C1S: variants seen among roughly 807,000 people sequenced by gnomAD.
C1S encodes complement C1s subcomponent.
Under a neutral mutation model 54.0 loss-of-function variants are expected in C1S, and 31 were observed. That is an observed-to-expected ratio of 0.57 (90% confidence interval 0.43 to 0.78). The LOEUF is 0.78. C1S is among the 30% of genes least tolerant of loss of function. C1S has a pLI of 0.00. For synonymous variants in C1S, 292 were observed against 303.6 expected (o/e 0.96, Z 0.40); for missense variants, 727 against 851.8 (o/e 0.85, Z 1.82).
rs192087179 is a variant in C1S at position 7,062,649 on chromosome 12, G to A, written c.180G>A (p.Glu60=). ...IHLYFTHLDI[E]LSENCAYDSV... Reference sequence around the variant, plus strand: ...TCTACTTCACCCATCTGGACATTGAGCTGTCAGAGAACTGTGCGTATGACT... The same window carrying A: ...TCTACTTCACCCATCTGGACATTGAACTGTCAGAGAACTGTGCGTATGACT... Residue 60 remains glutamate, a synonymous_variant, in exon 3 of 12, where the codon GAG becomes GAA. Coordinates refer to ENST00000360817, the MANE Select transcript of C1S (RefSeq NM_001734.5). The A allele has an allele frequency of 1.2e-6, 2 of 1,614,130 alleles. No individual in the cohort carries two copies. The highest frequency in any genetic ancestry group is 3.3e-5 in the Admixed American group (2 of 60,024).
chr12:7,065,510 C>A lies in C1S; in HGVS notation c.717+211C>A, dbSNP rs1026206156. 1.7e-4 allele frequency: 110 copies of A among 648,274 alleles called. No homozygotes were observed. In the African/African-American group the frequency reaches 1.9e-3, roughly 11 times the overall value. 40.2% of individuals were successfully genotyped at this position (648,274 alleles called of 1,614,324 possible). On this transcript the variant is annotated intron_variant, in intron 6 of 11. Coordinates refer to ENST00000360817, the MANE Select transcript of C1S (RefSeq NM_001734.5). The stretch of plus-strand genomic sequence containing the variant: ...AGCTGGGCCCACAGACGTGTGTCAT[C>A]AAACCCAGCTAATATTTTTATTGTT...
chr12:7,066,817 A>G (rs1555162332), intron 8 of C1S, 184 bp downstream of exon 8: 1 of 706,458 alleles, frequency 1.4e-6, no homozygotes, highest in African/African-American at 1.8e-5. Context: ...CCAGCTTGGC[A>G]TTCTCTCTGC....
Position 7,060,808 on chromosome 12 carries a change from AG to A in C1S, c.-140del. 1 of 152,540 alleles carries A rather than the reference AG, an allele frequency of 6.6e-6. No homozygotes were observed. Among genetic ancestry groups the A allele is most frequent in the Non-Finnish European group, 1.5e-5 (1 of 68,202 alleles). 9.4% of individuals were successfully genotyped at this position (152,540 alleles called of 1,614,324 possible). A position where few individuals can be genotyped will look rare whatever the true frequency, so the allele number is the denominator to read the frequency against. ...CTGTGCTGCTGTCCCTGGGGGCCAG[AG>A]GGGTTGCCCAGCATGCCCACTGGCA... On this transcript the variant is annotated 5_prime_UTR_variant, in exon 1 of 12. The change abolishes the stop of an existing upstream ORF in the 5' untranslated region. Coordinates refer to ENST00000360817, the MANE Select transcript of C1S (RefSeq NM_001734.5).
intron 5 of C1S, among the ~76,000 whole-genome samples, chr12:7,064,724 A>G (rs782678985): frequency 6.6e-6 from 1 of 152,218 alleles, no homozygotes; most frequent in Admixed American, 6.5e-5. Context: ...AGAGTCCATT[A>G]TATCACTCTG....
intron 8 of C1S, 30 bp downstream of exon 8, chr12:7,066,663 C>A (rs1555162309): frequency 7.7e-7 from 1 of 1,303,912 alleles, no homozygotes; most frequent in Non-Finnish European, 1.1e-6. Context: ...TCTCCCCAGT[C>A]CCTGGCCCCA....
At chr12:7,069,708 A>G in intron 11 of C1S, 147 bp from the exon 12 acceptor site, 3 of 765,364 alleles carry the variant, frequency 3.9e-6, no homozygotes, top group Non-Finnish European at 6.9e-6. Context: ...TGGGTCAGGT[A>G]TTGAGATTGT....
intron 3 of C1S, 29 bp downstream of exon 3, chr12:7,062,711 A>T: frequency 5.6e-6 from 9 of 1,598,176 alleles, no homozygotes; most frequent in Non-Finnish European, 7.7e-6. Flanking sequence ...AAGAATAGAG[A>T]TGGAAGACTA....
In C1S at chr12:7,061,876, A is replaced by G; in HGVS notation, c.-37A>G. On this transcript the variant is annotated 5_prime_UTR_variant, in exon 2 of 12. Transcript: ENST00000360817. ...GGAGGTGCAGAAAGCCAGGACCAAG[A>G]GACAGGCAGCTCACCAGGGTGGACA... 6.2e-7 allele frequency: 1 copy of G among 1,613,888 alleles called. No individual in the cohort carries two copies. The highest frequency in any genetic ancestry group is 1.3e-5 in the African/African-American group (1 of 75,020).
rs1555162360 is a variant in C1S, at chr12:7,067,006, C to G, written c.988-33C>G. ...GATTTTGGTTTCCCATATCTCTCTT[C>G]AGAAATAAGTGGTGATGTTTATTAT... On this transcript the variant is annotated intron_variant, in intron 8 of 11. Coordinates refer to ENST00000360817, the MANE Select transcript of C1S (RefSeq NM_001734.5). The G allele has an allele frequency of 3.3e-6, 5 of 1,518,718 alleles. No individual in the cohort carries two copies. The South Asian group carries it at 5.6e-5, about 17-fold the overall frequency. 94.1% of individuals were successfully genotyped at this position (1,518,718 alleles called of 1,614,324 possible).
Position 7,070,826 on chromosome 12 carries a change from T to C in C1S, c.*175T>C, listed in dbSNP as rs1937838088. The C allele has an allele frequency of 4.5e-6, 3 of 666,052 alleles. No homozygotes were observed. The highest frequency in any genetic ancestry group is 7.9e-6 in the Non-Finnish European group (3 of 377,976). 41.3% of individuals were successfully genotyped at this position (666,052 alleles called of 1,614,324 possible). A position where few individuals can be genotyped will look rare whatever the true frequency, so the allele number is the denominator to read the frequency against. ...GTAGAGTTTGATCATAGAATTGTGC[T>C]GGTCATACATTTGTGGTCTGACTCC... On this transcript the variant is annotated 3_prime_UTR_variant, in exon 12 of 12. Transcript: ENST00000360817. This position sits in a 1 kb window ranked among gnomAD's most constrained non-coding sequence, Gnocchi z 4.9.
rs1241180499 is a variant in C1S at position 7,064,472 on chromosome 12, T to G, written c.517+80T>G. On this transcript the variant is annotated intron_variant, in intron 5 of 11. Coordinates refer to ENST00000360817, the MANE Select transcript of C1S (RefSeq NM_001734.5). ...CCTCAGAAAGGGCTTTGTCCACCCT[T>G]CCAACTTCGATTAGGCCAAGCCTTC... The G allele has an allele frequency of 2.7e-6, 4 of 1,506,438 alleles. No individual in the cohort carries two copies. In the African/African-American group the frequency reaches 5.5e-5, roughly 21 times the overall value. 93.3% of individuals were successfully genotyped at this position (1,506,438 alleles called of 1,614,324 possible).
intron 8 of C1S, chr12:7,066,835 C>T: frequency 1.4e-6 from 1 of 704,826 alleles, no homozygotes; most frequent in South Asian, 1.5e-5. Flanking sequence ...TGCCTTCAGT[C>T]TTCTTGAGGA....
rs782440456 is a variant in C1S, at chr12:7,068,474, G to T, written c.1214G>T (p.Gly405Val). 1 of 1,613,550 alleles carries T rather than the reference G, an allele frequency of 6.2e-7. No homozygotes were observed. Among genetic ancestry groups the T allele is most frequent in the Non-Finnish European group, 8.5e-7 (1 of 1,179,480 alleles). Reference sequence around the variant, plus strand: ...ATTCCAGGGGAGTATCACTGTGCTGGTAACGGGAGCTGGGTGAATGAGGTG... The same window carrying T: ...ATTCCAGGGGAGTATCACTGTGCTGTTAACGGGAGCTGGGTGAATGAGGTG... ...NGGGGEYHCAGNGSWVNEVLG... is the reference protein window; with the variant it reads ...NGGGGEYHCAVNGSWVNEVLG... The change falls in exon 11 of 12, where the codon GGT (glycine) becomes GTT (valine). Residue 405 changes from glycine to valine, a missense_variant. By Grantham distance (109) the Gly-to-Val change is moderately radical. Transcript: ENST00000360817.
chr12:7,062,278 A>G, intron 2 of C1S, 197 bp from the exon 3 acceptor site: 1 of 579,800 alleles, frequency 1.7e-6, no homozygotes. Flanking sequence ...CTCAAAAAAA[A>G]AAAAAAAAGG....
At chr12:7,068,599 C>A in intron 11 of C1S, 69 bp downstream of exon 11, 2 of 1,041,690 alleles carry the variant, frequency 1.9e-6, no homozygotes, top group Non-Finnish European at 3.0e-6. Flanking sequence ...CTGAAAGCAA[C>A]TGTAATCCTC....
At chr12:7,061,746 T>C (rs1947091013) in intron 1 of C1S, 93 bp from the exon 2 acceptor site, 1 of 728,954 alleles carries the variant, frequency 1.4e-6, no homozygotes, top group African/African-American at 1.7e-5. Context: ...TGTTATACCT[T>C]TGAAGGTGAC....
chr12:7,070,960 G>T lies in C1S; in HGVS notation c.*309G>T. ...TTAATTCTTTGTTTCCTCTTTACCTGTTCAAAATTCCATTTACTTGATCAT... is the reference window on the plus strand; with the variant it reads ...TTAATTCTTTGTTTCCTCTTTACCTTTTCAAAATTCCATTTACTTGATCAT... On this transcript the variant is annotated 3_prime_UTR_variant, in exon 12 of 12. Coordinates refer to ENST00000360817, the MANE Select transcript of C1S (RefSeq NM_001734.5). The surrounding 1 kb of genome is among the most constrained non-coding windows in gnomAD (Gnocchi z 4.9). 1 of 356,898 alleles carries T rather than the reference G, an allele frequency of 2.8e-6. No individual in the cohort carries two copies. Among genetic ancestry groups the T allele is most frequent in the Non-Finnish European group, 5.2e-6 (1 of 190,962 alleles). 22.1% of individuals were successfully genotyped at this position (356,898 alleles called of 1,614,324 possible).
chr12:7,067,124 G>A lies in C1S; in HGVS notation c.1066+7G>A, dbSNP rs1555162404. 1 of 1,551,394 alleles carries A rather than the reference G, an allele frequency of 6.4e-7. No homozygotes were observed. Among genetic ancestry groups the A allele is most frequent in the East Asian group, 2.2e-5 (1 of 44,582 alleles). ...TCCAAACTGAAATGTCAACGTATGT[G>A]TCTCTTCAAAGTGGAAGTCTTTCTT... On this transcript the variant is annotated splice_region_variant and intron_variant, in intron 9 of 11. Transcript: ENST00000360817.
intron 11 of C1S, 187 bp downstream of exon 11, chr12:7,068,717 A>G (rs1555162724): frequency 5.0e-6 from 3 of 598,584 alleles, no homozygotes; most frequent in Non-Finnish European, 9.0e-6. Context: ...GCCGCACTGA[A>G]GCCAGGCCAA....
Sources: gnomAD v4.1 joint callset for allele counts (sites outside exome capture counted in the v4.1 genomes callset) on GRCh38, gnomAD v4.1.1 for gene constraint, Gnocchi (gnomAD v3.1) non-coding constraint, MANE v1.5 for transcripts, NCBI Gene and HGNC (gene_info 2026-07-23, HGNC 2026-07-21) for gene names.